Variants in TMEM51 observed in about 807,000 individuals in gnomAD.
The protein encoded by TMEM51 is chromosome 1 open reading frame 72.
In TMEM51, 8 loss-of-function variants were observed where a neutral mutation model predicts 13.6. That is an observed-to-expected ratio of 0.59 (90% confidence interval 0.35 to 1.07). The LOEUF (loss-of-function observed/expected upper bound fraction) is 1.07, where lower values mean the gene tolerates loss of function less well. TMEM51 is among the 50% of genes least tolerant of loss of function. The pLI, the probability that TMEM51 is intolerant of heterozygous loss-of-function variation, is 0.02. For synonymous variants in TMEM51, 147 were observed against 144.4 expected, an observed-to-expected ratio of 1.02 and a Z score of -0.13; for missense variants, 279 against 330.7, an observed-to-expected ratio of 0.84 and a Z score of 1.21.
At chr1:15,196,260 A>G (rs1234343428) in intron 1 of TMEM51, among the ~76,000 whole-genome samples, 2 of 152,182 alleles carry the variant, frequency 1.3e-5, no homozygotes, top group Non-Finnish European at 2.9e-5. Flanking sequence ...ACAACAGCCA[A>G]TTATGCACAT....
At chr1:15,176,641 A>C (rs1643465131) in intron 1 of TMEM51, among the ~76,000 whole-genome samples, 1 of 152,150 alleles carries the variant, frequency 6.6e-6, no homozygotes, top group African/African-American at 2.4e-5. Flanking sequence ...CTGAGAGAGA[A>C]CATGTTTTTC....
intron 1 of TMEM51, among the ~76,000 whole-genome samples, chr1:15,163,705 G>A (rs1390768909): frequency 2.0e-5 from 3 of 151,130 alleles, no homozygotes; most frequent in African/African-American, 7.3e-5. Flanking sequence ...TCCTAGCCAC[G>A]ACCCTTTAAA....
At chr1:15,212,764 C>T (rs769832200) in intron 2 of TMEM51, among the ~76,000 whole-genome samples, 7 of 152,244 alleles carry the variant, frequency 4.6e-5, no homozygotes, top group Non-Finnish European at 1.0e-4. Flanking sequence ...CCCTGTTCAG[C>T]GCCCTGCACG....
intron 1 of TMEM51, among the ~76,000 whole-genome samples, chr1:15,170,054 C>T (rs540620773): frequency 5.3e-4 from 81 of 152,204 alleles, no homozygotes; most frequent in Non-Finnish European, 9.6e-4. Context: ...CTCACTTTCT[C>T]GAAATGGGGA....
At chr1:15,181,406 T>G (rs1427528382) in intron 1 of TMEM51, among the ~76,000 whole-genome samples, 5 of 152,202 alleles carry the variant, frequency 3.3e-5, no homozygotes, top group African/African-American at 4.8e-5. Flanking sequence ...CCAGGTGGCA[T>G]GTGGCAACAG....
chr1:15,187,356 T>G (rs1643812213), intron 1 of TMEM51, among the ~76,000 whole-genome samples: 1 of 152,234 alleles, frequency 6.6e-6, no homozygotes, highest in Non-Finnish European at 1.5e-5. Context: ...GTGCTGTCCA[T>G]GCCTCTCTGT....
chr1:15,219,511 CT>C lies in TMEM51; in HGVS notation c.531del (p.Asp178ThrfsTer21). The C allele has an allele frequency of 1.9e-6, 3 of 1,614,122 alleles. No homozygotes were observed. The highest frequency in any genetic ancestry group is 2.5e-6 in the Non-Finnish European group (3 of 1,180,036). On this transcript the variant is annotated frameshift_variant, in exon 4 of 4. Coordinates refer to ENST00000376008, the MANE Select transcript of TMEM51 (RefSeq NM_001136218.2). LOFTEE classifies it high-confidence loss of function. The part of the protein sequence containing the change: ...LDETTPTSTR[A>X]DVEASPGNPP... ...GAGACCACCCCCACATCCACCAGGGCTGACGTGGAGGCCAGCCCTGGGAACC... is the reference window on the plus strand; with the variant it reads ...GAGACCACCCCCACATCCACCAGGGCGACGTGGAGGCCAGCCCTGGGAACC...
intron 1 of TMEM51, among the ~76,000 whole-genome samples, chr1:15,155,006 C>G (rs904432475): frequency 6.6e-6 from 1 of 152,196 alleles, no homozygotes; most frequent in Admixed American, 6.5e-5. Context: ...ATGGGTTACC[C>G]GGAGAACAGC....
At chr1:15,214,543 T>A (rs1644392460) in intron 2 of TMEM51, among the ~76,000 whole-genome samples, 1 of 152,218 alleles carries the variant, frequency 6.6e-6, no homozygotes, top group Non-Finnish European at 1.5e-5. Flanking sequence ...ATTCATCCCA[T>A]CGCTCACTCT....
At chr1:15,189,033 A>G (rs891971221) in intron 1 of TMEM51, among the ~76,000 whole-genome samples, 3 of 151,934 alleles carry the variant, frequency 2.0e-5, no homozygotes, top group Non-Finnish European at 2.9e-5. Flanking sequence ...ATAGCAGCTG[A>G]TATTTGGTCA....
chr1:15,203,314 C>T (rs998972986), intron 1 of TMEM51, among the ~76,000 whole-genome samples: 3 of 152,098 alleles, frequency 2.0e-5, no homozygotes, highest in East Asian at 1.9e-4. Flanking sequence ...AGTGCAGTGG[C>T]GTGATCTCGG....
chr1:15,169,471 G>A (rs535449093), intron 1 of TMEM51, among the ~76,000 whole-genome samples: 66 of 152,206 alleles, frequency 4.3e-4, no homozygotes, highest in Non-Finnish European at 8.2e-4. Context: ...GTTTGCCCCT[G>A]AAATAAATGT....
At chr1:15,190,881 G>A (rs1034325933) in intron 1 of TMEM51, among the ~76,000 whole-genome samples, 3 of 151,992 alleles carry the variant, frequency 2.0e-5, no homozygotes, top group Non-Finnish European at 1.5e-5. Flanking sequence ...TCCACCTCCC[G>A]GGTTCAAGCA....
In TMEM51 at chr1:15,161,830, G is replaced by A. The variant is rs987562521; in HGVS notation, c.-267+7876G>A. 7.9e-5 allele frequency among the ~76,000 whole-genome samples: 12 copies of A among 151,778 alleles called. No individual in the cohort carries two copies. The highest frequency in any genetic ancestry group is 2.9e-4 in the African/African-American group (12 of 41,204). On this transcript the variant is annotated intron_variant, in intron 1 of 3. Transcript: ENST00000376008. The surrounding 1 kb of genome is among the most constrained non-coding windows in gnomAD (Gnocchi z 4.0). ...TGTAGTCCCAGCTACTCAGGAGGCTGAGGCAGAAGAATGGCTTGAACCCGG... is the reference window on the plus strand; with the variant it reads ...TGTAGTCCCAGCTACTCAGGAGGCTAAGGCAGAAGAATGGCTTGAACCCGG...
At chr1:15,163,117 A>G (rs1449699725) in intron 1 of TMEM51, among the ~76,000 whole-genome samples, 2 of 152,062 alleles carry the variant, frequency 1.3e-5, no homozygotes, top group Admixed American at 6.5e-5. Context: ...TTCTCTCTAC[A>G]GACCAGGTGT....
chr1:15,172,863 C>T (rs1218639312), intron 1 of TMEM51, among the ~76,000 whole-genome samples: 1 of 152,178 alleles, frequency 6.6e-6, no homozygotes, highest in African/African-American at 2.4e-5. Flanking sequence ...TGGGTGCTGT[C>T]GACACTACCT....
chr1:15,171,369 G>A, intron 1 of TMEM51: 2 of 1,257,274 alleles, frequency 1.6e-6, no homozygotes, highest in South Asian at 1.3e-5. Flanking sequence ...TCATAGGGGG[G>A]GCGGCAGAAA....
Position 15,215,304 on chromosome 1 carries a change from G to A in TMEM51, c.217G>A (p.Gly73Arg), listed in dbSNP as rs763143206. The A allele has an allele frequency of 6.2e-7, 1 of 1,614,190 alleles. No homozygotes were observed. The highest frequency in any genetic ancestry group is 8.5e-7 in the Non-Finnish European group (1 of 1,180,044). The change falls in exon 3 of 4, where the codon GGG (glycine) becomes AGG (arginine). Residue 73 changes from glycine (G) to arginine (R), a missense_variant. By Grantham distance (125) the Gly-to-Arg change is moderately radical. Transcript: ENST00000376008. ...TGTGGCCTACGTGCTGGTCGGGGCC[G>A]GGGTGATGCTGCTGCTGCTTTCTAT... is the stretch of plus-strand genomic sequence containing the variant. ...FSVAYVLVGA[G>R]VMLLLLSICL...
rs537392125 is a variant in TMEM51 at position 15,214,700 on chromosome 1, C to A, written c.-193-195C>A. Among the ~76,000 whole-genome samples the A allele has an allele frequency of 1.1e-4, 16 of 152,344 alleles. No individual in the cohort carries two copies. In the South Asian group the frequency reaches 3.1e-3, roughly 30 times the overall value. On this transcript the variant is annotated intron_variant, in intron 2 of 3. Transcript: ENST00000376008. ...TCAGGGAGTAGCGGGCTGGGCAGAC[C>A]GGCCTCCCTTCTCGCAGCCTCGCAC... is the stretch of plus-strand genomic sequence containing the variant.
Sources: gnomAD v4.1 joint callset for allele counts (sites outside exome capture counted in the v4.1 genomes callset) on GRCh38, gnomAD v4.1.1 for gene constraint, Gnocchi (gnomAD v3.1) non-coding constraint, MANE v1.5 for transcripts, NCBI Gene and HGNC (gene_info 2026-07-23, HGNC 2026-07-21) for gene names.